The following FHIT variants were observed in gnomAD, a reference collection of about 807,000 sequenced individuals.
FHIT encodes fragile histidine triad diadenosine triphosphatase, also known as bis(5'-adenosyl)-triphosphatase.
Under a neutral mutation model 17.9 loss-of-function variants are expected in FHIT, and 19 were observed. The observed-to-expected ratio is 1.06, with a 90% CI of 0.74 to 1.56. The LOEUF is 1.56. Among genes scored for constraint, FHIT ranks in the 40% most tolerant of loss-of-function variants. The probability of loss-of-function intolerance (pLI) is 0.00; values close to 1 mark genes in which losing one functional copy is unlikely to be tolerated. For synonymous variants in FHIT, 81 were observed against 69.7 expected, an observed-to-expected ratio of 1.16 and a Z score of -0.81; for missense variants, 248 against 189.2, an observed-to-expected ratio of 1.31 and a Z score of -1.82.
intron 5 of FHIT, among the ~76,000 whole-genome samples, chr3:60,141,387 A>T (rs1401599248): frequency 6.7e-6 from 1 of 150,012 alleles, no homozygotes; most frequent in Non-Finnish European, 1.5e-5. Context: ...TGCCCATTAA[A>T]AAAAAAAAAA....
intron 5 of FHIT, among the ~76,000 whole-genome samples, chr3:60,134,533 T>A (rs1195241757): frequency 6.6e-6 from 1 of 152,200 alleles, no homozygotes; most frequent in African/African-American, 2.4e-5. Context: ...AGATTGTGAA[T>A]GACACACAAC....
At chr3:60,292,641 T>A (rs766056033) in intron 5 of FHIT, among the ~76,000 whole-genome samples, 1 of 152,122 alleles carries the variant, frequency 6.6e-6, no homozygotes, top group South Asian at 2.1e-4. Flanking sequence ...GTAACTAAAT[T>A]GCCGGCCAAG....
At chr3:60,989,293 G>A (rs111845937) in intron 3 of FHIT, among the ~76,000 whole-genome samples, 70 of 152,096 alleles carry the variant, frequency 4.6e-4, no homozygotes, top group Middle Eastern at 3.4e-3. Flanking sequence ...GAGACCACAG[G>A]TGTGTACCAC....
At chr3:60,825,316 G>A (rs1473460943) in intron 3 of FHIT, among the ~76,000 whole-genome samples, 1 of 152,072 alleles carries the variant, frequency 6.6e-6, no homozygotes, top group Non-Finnish European at 1.5e-5. Flanking sequence ...AATAAAATAT[G>A]CTATATTTAT....
chr3:60,188,382 T>C (rs541492618), intron 5 of FHIT, among the ~76,000 whole-genome samples: 4 of 152,264 alleles, frequency 2.6e-5, no homozygotes, highest in African/African-American at 7.2e-5. Context: ...TCACATATTA[T>C]GATATTTTGG....
At chr3:60,331,636 C>T (rs1576488205) in intron 5 of FHIT, among the ~76,000 whole-genome samples, 1 of 152,120 alleles carries the variant, frequency 6.6e-6, no homozygotes, top group African/African-American at 2.4e-5. Flanking sequence ...CACCTGAGGT[C>T]AGGAATTCAA....
At chr3:60,288,597 G>C (rs1353697463) in intron 5 of FHIT, among the ~76,000 whole-genome samples, 1 of 151,550 alleles carries the variant, frequency 6.6e-6, no homozygotes, top group Non-Finnish European at 1.5e-5. Context: ...GTGTGTGTGT[G>C]TGTGTGTGGA....
At chr3:60,515,557 G>A (rs1217159829) in intron 5 of FHIT, among the ~76,000 whole-genome samples, 7 of 144,056 alleles carry the variant, frequency 4.9e-5, no homozygotes, top group African/African-American at 1.8e-4. Context: ...AGCTACAAAG[G>A]GAAGTTTGGG....
At chr3:61,044,335 T>C (rs569144100) in intron 2 of FHIT, among the ~76,000 whole-genome samples, 4 of 152,266 alleles carry the variant, frequency 2.6e-5, no homozygotes, top group Non-Finnish European at 4.4e-5. Context: ...ACATGACACA[T>C]GCACAAGTTT....
At chr3:60,955,617 T>TACATATATATAC (rs1559862368) in intron 3 of FHIT, among the ~76,000 whole-genome samples, 1 of 13,874 alleles carries the variant, frequency 7.2e-5, no homozygotes, top group African/African-American at 1.3e-4. Context: ...TATATATATA[T>TACATATATATAC]ATATATATAT....
In FHIT at chr3:60,163,815, A is replaced by T. The variant is rs1288376561; in HGVS notation, c.104-149663T>A. ...ACCAGAAATGCCTCCAGACGTTGCC[A>T]GAAGTCCCTAGAGGACAAAATCACT... On this transcript the variant is annotated intron_variant, in intron 5 of 9. Coordinates refer to ENST00000492590, the MANE Select transcript of FHIT (RefSeq NM_002012.4). 2.0e-5 allele frequency among the ~76,000 whole-genome samples: 3 copies of T among 152,210 alleles called. No individual in the cohort carries two copies. The East Asian group carries it at 5.8e-4, about 29-fold the overall frequency.
At chr3:60,116,021 A>T (rs1185195721) in intron 5 of FHIT, among the ~76,000 whole-genome samples, 1 of 152,206 alleles carries the variant, frequency 6.6e-6, no homozygotes, top group Non-Finnish European at 1.5e-5. Flanking sequence ...ATTCTTTAAT[A>T]AATTGGAAGT....
chr3:60,444,466 T>G (rs1436172972), intron 5 of FHIT, among the ~76,000 whole-genome samples: 1 of 152,136 alleles, frequency 6.6e-6, no homozygotes, highest in Non-Finnish European at 1.5e-5. Context: ...AATGATAGAC[T>G]GGATTAAGAA....
chr3:60,790,317 A>G (rs958187343), intron 4 of FHIT, among the ~76,000 whole-genome samples: 3 of 152,230 alleles, frequency 2.0e-5, no homozygotes, highest in African/African-American at 4.8e-5. Context: ...GAAAATAGTC[A>G]AAATTAACCT....
Position 60,125,358 on chromosome 3 carries a change from G to A in FHIT, c.104-111206C>T, listed in dbSNP as rs147413575. 8.0e-3 allele frequency among the ~76,000 whole-genome samples: 1,214 copies of A among 152,282 alleles called. 12 individuals carry two copies. Among genetic ancestry groups the A allele is most frequent in the African/African-American group, 0.027 (1,106 of 41,544 alleles). On this transcript the variant is annotated intron_variant, in intron 5 of 9. Coordinates refer to ENST00000492590, the MANE Select transcript of FHIT (RefSeq NM_002012.4). ...TTTAAAATACACATGTAGGCCAGGC[G>A]TAGTGGCTTACGCCTGTAATTCCAG...
intron 2 of FHIT, among the ~76,000 whole-genome samples, chr3:61,153,344 T>C (rs1295524380): frequency 6.6e-6 from 1 of 152,162 alleles, no homozygotes; most frequent in African/African-American, 2.4e-5. Context: ...AGATATTGCT[T>C]CAGAAACATT....
At chr3:61,106,637 T>C (rs1295678895) in intron 2 of FHIT, among the ~76,000 whole-genome samples, 2 of 152,300 alleles carry the variant, frequency 1.3e-5, no homozygotes, top group Non-Finnish European at 2.9e-5. Context: ...AATTAACATA[T>C]GCATTCATCA....
rs566171824 is a variant in FHIT at position 60,669,380 on chromosome 3, T to C, written c.-17-132401A>G. On this transcript the variant is annotated intron_variant, in intron 4 of 9. Coordinates refer to ENST00000492590, the MANE Select transcript of FHIT (RefSeq NM_002012.4). ...TCACTTCCCTCTGGTCATCACAATC[T>C]CACAATCATTTTTCTGCTTTCAGCA... 3.3e-5 allele frequency among the ~76,000 whole-genome samples: 5 copies of C among 152,308 alleles called. No individual in the cohort carries two copies. The South Asian group carries it at 8.3e-4, about 25-fold the overall frequency.
chr3:59,863,264 C>T lies in FHIT; in HGVS notation c.348+59082G>A, dbSNP rs146808524. Among the ~76,000 whole-genome samples the T allele has an allele frequency of 7.0e-4, 106 of 152,314 alleles. No individual in the cohort carries two copies. The Middle Eastern group carries it at 0.01, about 15-fold the overall frequency. On this transcript the variant is annotated intron_variant, in intron 8 of 9. Transcript: ENST00000492590. ...GGACGTTTCAGGGCCTGCTTTGTGA[C>T]GCACATCACCCCTTAGACTACTCCA...
Sources: gnomAD v4.1 joint callset for allele counts (sites outside exome capture counted in the v4.1 genomes callset) on GRCh38, gnomAD v4.1.1 for gene constraint, MANE v1.5 for transcripts, NCBI Gene and HGNC (gene_info 2026-07-23, HGNC 2026-07-21) for gene names.